GABBR2: variants seen among roughly 807,000 people sequenced by gnomAD.
GABBR2 encodes the protein G-protein coupled receptor 51.
Under a neutral mutation model 105.6 loss-of-function variants are expected in GABBR2, and 23 were observed. The ratio of observed to expected loss-of-function variants is 0.22; its 90% CI spans 0.16 to 0.31. The LOEUF is 0.31. Among genes scored for constraint, GABBR2 ranks in the 10% least tolerant of loss-of-function variants. The probability of loss-of-function intolerance (pLI) is 1.00; values close to 1 mark genes in which losing one functional copy is unlikely to be tolerated. For synonymous variants in GABBR2, 478 were observed against 499.7 expected, an observed-to-expected ratio of 0.96 and a Z score of 0.58; for missense variants, 734 against 1,245.5, an observed-to-expected ratio of 0.59 and a Z score of 6.18.
At chr9:98,684,730 A>G (rs1830599182) in intron 1 of GABBR2, among the ~76,000 whole-genome samples, 2 of 152,248 alleles carry the variant, frequency 1.3e-5, no homozygotes, top group South Asian at 2.1e-4. Context: ...TCCCAAAAGC[A>G]GAGTGAAAGC....
intron 2 of GABBR2, 31 bp downstream of exon 2, chr9:98,577,904 T>G: frequency 6.3e-7 from 1 of 1,578,016 alleles, no homozygotes; most frequent in Non-Finnish European, 8.6e-7. Flanking sequence ...CAAAGACACC[T>G]CCCCACAAAA....
intron 5 of GABBR2, among the ~76,000 whole-genome samples, chr9:98,474,755 C>T (rs1305521195): frequency 1.3e-5 from 2 of 152,116 alleles, no homozygotes; most frequent in Non-Finnish European, 2.9e-5. Context: ...CTCCAGGAGG[C>T]TAAAGTGAGG....
chr9:98,482,843 C>A (rs71501864), intron 4 of GABBR2, among the ~76,000 whole-genome samples: 3 of 152,068 alleles, frequency 2.0e-5, no homozygotes, highest in African/African-American at 4.8e-5. Flanking sequence ...TGGCTCCCCT[C>A]GTGCCTGCCT....
At chr9:98,578,776 C>G (rs1387392174) in intron 1 of GABBR2, among the ~76,000 whole-genome samples, 1 of 152,084 alleles carries the variant, frequency 6.6e-6, no homozygotes, top group Non-Finnish European at 1.5e-5. Flanking sequence ...TATTTCCAGC[C>G]TGGAAAAGGA....
chr9:98,389,482 A>T (rs1425184957), intron 9 of GABBR2, among the ~76,000 whole-genome samples: 3 of 152,218 alleles, frequency 2.0e-5, no homozygotes, highest in South Asian at 2.1e-4. Flanking sequence ...CCATGGTGAC[A>T]CATAGGTGTT....
chr9:98,603,209 C>A (rs762575546), intron 1 of GABBR2, among the ~76,000 whole-genome samples: 1 of 152,172 alleles, frequency 6.6e-6, no homozygotes, highest in Non-Finnish European at 1.5e-5. Context: ...CAAGGCATTC[C>A]CTGTTTCAGA....
At chr9:98,665,845 G>A (rs574451424) in intron 1 of GABBR2, among the ~76,000 whole-genome samples, 2 of 152,276 alleles carry the variant, frequency 1.3e-5, no homozygotes, top group East Asian at 1.9e-4. Context: ...CGAGGGATGC[G>A]ACCAGCCACT....
At chr9:98,597,242 T>A (rs1829251707) in intron 1 of GABBR2, among the ~76,000 whole-genome samples, 1 of 152,212 alleles carries the variant, frequency 6.6e-6, no homozygotes, top group East Asian at 1.9e-4. Flanking sequence ...GTGTGTGTTC[T>A]CCTGCACAAC....
intron 1 of GABBR2, among the ~76,000 whole-genome samples, chr9:98,666,394 C>A (rs1288087951): frequency 6.6e-6 from 1 of 152,178 alleles, no homozygotes; most frequent in Non-Finnish European, 1.5e-5. Context: ...TGCTTCTCAT[C>A]CTTGCAGCTT....
intron 6 of GABBR2, among the ~76,000 whole-genome samples, chr9:98,466,751 G>A (rs2131621624): frequency 6.6e-6 from 1 of 152,298 alleles, no homozygotes; most frequent in Admixed American, 6.5e-5. Context: ...ATTACTCTTA[G>A]GTTCAGCTGC....
rs143103752 is a variant in GABBR2 at position 98,326,631 on chromosome 9, C to A, written c.1894-15426G>T. Among the ~76,000 whole-genome samples the A allele has an allele frequency of 7.9e-5, 12 of 152,290 alleles. No homozygotes were observed. In the East Asian group the frequency reaches 2.3e-3, roughly 29 times the overall value. ...TGTTGTGGTCCAGAACACAGAGTTG[C>A]CTCATGGAAGATGGCTGCCCTGGAG... is the stretch of plus-strand genomic sequence containing the variant. On this transcript the variant is annotated intron_variant, in intron 13 of 18. Transcript: ENST00000259455.
intron 1 of GABBR2, among the ~76,000 whole-genome samples, chr9:98,643,160 TG>T (rs1829988878): frequency 6.6e-6 from 1 of 152,214 alleles, no homozygotes; most frequent in Non-Finnish European, 1.5e-5. Context: ...CAGTTCCCAC[TG>T]GGCACTCGGA....
chr9:98,335,318 G>A (rs1341092225), intron 13 of GABBR2, among the ~76,000 whole-genome samples: 1 of 152,140 alleles, frequency 6.6e-6, no homozygotes, highest in Admixed American at 6.5e-5. Flanking sequence ...ATCTCTGGCT[G>A]GCAGGGACCA....
At chr9:98,441,479 C>T (rs1826030370) in intron 7 of GABBR2, among the ~76,000 whole-genome samples, 1 of 152,086 alleles carries the variant, frequency 6.6e-6, no homozygotes, top group Non-Finnish European at 1.5e-5. Flanking sequence ...GCAATTCTTC[C>T]ACCTCAGCCT....
intron 1 of GABBR2, among the ~76,000 whole-genome samples, chr9:98,696,574 T>A (rs1464059440): frequency 6.6e-6 from 1 of 152,182 alleles, no homozygotes; most frequent in Non-Finnish European, 1.5e-5. Context: ...CTCCCCCACG[T>A]GCCTTTGAAA....
chr9:98,362,659 T>G, intron 13 of GABBR2, 56 bp downstream of exon 13: 1 of 1,416,664 alleles, frequency 7.1e-7, no homozygotes. Flanking sequence ...CTCACTGTCC[T>G]CATGTGCCAG....
chr9:98,489,186 C>G (rs1009872987), intron 4 of GABBR2, among the ~76,000 whole-genome samples: 1 of 152,182 alleles, frequency 6.6e-6, no homozygotes, highest in Non-Finnish European at 1.5e-5. Flanking sequence ...AGTTTGCTGA[C>G]TGCTATTGTA....
intron 8 of GABBR2, among the ~76,000 whole-genome samples, chr9:98,395,830 C>A (rs1832278232): frequency 6.6e-6 from 1 of 151,960 alleles, no homozygotes; most frequent in South Asian, 2.1e-4. Context: ...GGGATAGGGC[C>A]CCCAGGGAAG....
At chr9:98,531,673 G>A (rs1828070693) in intron 3 of GABBR2, among the ~76,000 whole-genome samples, 1 of 152,256 alleles carries the variant, frequency 6.6e-6, no homozygotes, top group African/African-American at 2.4e-5. Flanking sequence ...ACTTCCCACA[G>A]GGAACATTCA....
Sources: allele counts gnomAD v4.1 joint callset (sites outside exome capture counted in the v4.1 genomes callset), GRCh38; gene constraint gnomAD v4.1.1; transcripts MANE v1.5; gene names NCBI Gene and HGNC (gene_info 2026-07-23, HGNC 2026-07-21).